Variants in FBXL7 observed in about 807,000 individuals in gnomAD.
FBXL7 encodes F-box and leucine rich repeat protein 7, also known as F-box/LRR-repeat protein 7.
In FBXL7, 12 loss-of-function variants were observed where a neutral mutation model predicts 38.3. The observed-to-expected ratio is 0.31, with a 90% CI of 0.20 to 0.51. FBXL7 has a LOEUF of 0.51. FBXL7 is among the 20% of genes least tolerant of loss of function. FBXL7 has a pLI of 0.98. For missense variants in FBXL7, 567 were observed against 676.4 expected, an observed-to-expected ratio of 0.84 and a Z score of 1.79; for synonymous variants, 297 against 300.9, an observed-to-expected ratio of 0.99 and a Z score of 0.13.
intron 2 of FBXL7, among the ~76,000 whole-genome samples, chr5:15,681,844 T>C (rs1742853806): frequency 6.6e-6 from 1 of 152,216 alleles, no homozygotes; most frequent in Admixed American, 6.5e-5. Flanking sequence ...AATAAGAACA[T>C]AAGGAAATGG....
At position 15,729,685 on chromosome 5, in the gene FBXL7, G is replaced by A. The variant is rs541796795; in HGVS notation, c.127+113613G>A. On this transcript the variant is annotated intron_variant, in intron 2 of 3. Coordinates refer to ENST00000504595, the MANE Select transcript of FBXL7 (RefSeq NM_012304.5). ...TATAGACAAAAATTTTTAATTAAGC[G>A]TTAATAAACAGTTACATGTGATGTA... 5.9e-5 allele frequency among the ~76,000 whole-genome samples: 9 copies of A among 152,138 alleles called. No individual in the cohort carries two copies. The South Asian group carries it at 1.0e-3, about 18-fold the overall frequency.
intron 1 of FBXL7, among the ~76,000 whole-genome samples, chr5:15,588,712 A>G (rs754316417): frequency 6.6e-6 from 1 of 152,174 alleles, no homozygotes; most frequent in African/African-American, 2.4e-5. Context: ...TGACTCATTA[A>G]CAGGTTGTAT....
chr5:15,728,904 C>T (rs1165213597), intron 2 of FBXL7, among the ~76,000 whole-genome samples: 1 of 152,132 alleles, frequency 6.6e-6, no homozygotes, highest in Non-Finnish European at 1.5e-5. Context: ...ATGGATCAGG[C>T]ATTTCATGAA....
At chr5:15,651,288 G>A (rs940721878) in intron 2 of FBXL7, among the ~76,000 whole-genome samples, 1 of 151,776 alleles carries the variant, frequency 6.6e-6, no homozygotes, top group Admixed American at 6.6e-5. Flanking sequence ...AGTAGAGACG[G>A]GGTTTCACCA....
At chr5:15,755,319 A>C (rs943436943) in intron 2 of FBXL7, among the ~76,000 whole-genome samples, 4 of 152,214 alleles carry the variant, frequency 2.6e-5, no homozygotes, top group Non-Finnish European at 5.9e-5. Flanking sequence ...TCTTATCAAA[A>C]GAGAGGGTAG....
chr5:15,785,965 T>A (rs1737122247), intron 2 of FBXL7, among the ~76,000 whole-genome samples: 1 of 152,242 alleles, frequency 6.6e-6, no homozygotes, highest in South Asian at 2.1e-4. Context: ...CAGAAAATAC[T>A]TTATGAACAG....
chr5:15,753,347 T>C (rs912293061), intron 2 of FBXL7, among the ~76,000 whole-genome samples: 7 of 152,194 alleles, frequency 4.6e-5, no homozygotes, highest in African/African-American at 7.2e-5. Context: ...ATTTGACCTC[T>C]ACTTTAGATG....
intron 2 of FBXL7, among the ~76,000 whole-genome samples, chr5:15,624,056 C>T (rs1740731636): frequency 6.6e-6 from 1 of 152,144 alleles, no homozygotes. Flanking sequence ...TATATTTTTA[C>T]TGTACTTAGG....
At chr5:15,883,205 A>T (rs1740533039) in intron 2 of FBXL7, among the ~76,000 whole-genome samples, 1 of 152,234 alleles carries the variant, frequency 6.6e-6, no homozygotes, top group Non-Finnish European at 1.5e-5. Context: ...GGGTTGGCAT[A>T]ATTGCTATCT....
At chr5:15,857,500 C>G (rs1487433925) in intron 2 of FBXL7, among the ~76,000 whole-genome samples, 1 of 152,198 alleles carries the variant, frequency 6.6e-6, no homozygotes, top group Non-Finnish European at 1.5e-5. Context: ...ATGCTCTTCA[C>G]TTGCATGCTA....
At chr5:15,913,902 G>A (rs1318289873) in intron 2 of FBXL7, among the ~76,000 whole-genome samples, 1 of 152,126 alleles carries the variant, frequency 6.6e-6, no homozygotes, top group African/African-American at 2.4e-5. Context: ...GCCAGTTCCA[G>A]TTATTACAGT....
At chr5:15,654,568 T>G (rs893224925) in intron 2 of FBXL7, among the ~76,000 whole-genome samples, 1 of 152,208 alleles carries the variant, frequency 6.6e-6, no homozygotes, top group Admixed American at 6.5e-5. Context: ...ATGGGTCATT[T>G]TTGTCTCGAA....
At chr5:15,610,056 A>C (rs1740175744) in intron 1 of FBXL7, among the ~76,000 whole-genome samples, 1 of 152,196 alleles carries the variant, frequency 6.6e-6, no homozygotes, top group Non-Finnish European at 1.5e-5. Flanking sequence ...AGGGGAAAAC[A>C]CTTATAAAAC....
intron 2 of FBXL7, among the ~76,000 whole-genome samples, chr5:15,770,370 A>C (rs192663532): frequency 6.8e-4 from 103 of 152,282 alleles, no homozygotes; most frequent in African/African-American, 1.9e-3. Context: ...TACAAAAAGT[A>C]TTTCTAGAAA....
rs753935096 is a variant in FBXL7 at position 15,927,764 on chromosome 5, T to TAAAAAAAAAAAAAAAAAA, written c.128-120_128-103dup. The TAAAAAAAAAAAAAAAAAA allele has an allele frequency of 5.9e-5, 27 of 456,824 alleles. 1 individual carries two copies. Among genetic ancestry groups the TAAAAAAAAAAAAAAAAAA allele is most frequent in the African/African-American group, 5.5e-4 (15 of 27,410 alleles). The allele number at this position is 456,824 out of a possible 1,614,324, so 28.3% of individuals were successfully genotyped here. A position where few individuals can be genotyped will look rare whatever the true frequency, so the allele number is the denominator to read the frequency against. ...CACTCCCGCCTGGGCGACAAGATCT[T>TAAAAAAAAAAAAAAAAAA]AAAAAAAAAAAAAAAAAAAAAAAGA... On this transcript the variant is annotated intron_variant, in intron 2 of 3. Coordinates refer to ENST00000504595, the MANE Select transcript of FBXL7 (RefSeq NM_012304.5).
At chr5:15,892,746 G>C (rs1295033685) in intron 2 of FBXL7, among the ~76,000 whole-genome samples, 3 of 152,152 alleles carry the variant, frequency 2.0e-5, no homozygotes, top group Non-Finnish European at 2.9e-5. Context: ...TATTTCACCT[G>C]GGCCCATTTG....
chr5:15,619,963 A>G (rs1349780563), intron 2 of FBXL7, among the ~76,000 whole-genome samples: 3 of 152,178 alleles, frequency 2.0e-5, no homozygotes, highest in East Asian at 1.9e-4. Flanking sequence ...AAGTGAGGAC[A>G]TGGGGATAGA....
intron 2 of FBXL7, among the ~76,000 whole-genome samples, chr5:15,849,667 AC>A (rs1240592064): frequency 6.6e-6 from 1 of 152,154 alleles, no homozygotes; most frequent in East Asian, 1.9e-4. Flanking sequence ...TTTATAAATT[AC>A]CCAGTCTCAG....
At chr5:15,735,866 A>T (rs1250516468) in intron 2 of FBXL7, among the ~76,000 whole-genome samples, 1 of 152,206 alleles carries the variant, frequency 6.6e-6, no homozygotes, top group Non-Finnish European at 1.5e-5. Flanking sequence ...AGTGTGGTGC[A>T]CTGAGTTTGA....
Sources: allele counts gnomAD v4.1 joint callset (sites outside exome capture counted in the v4.1 genomes callset), GRCh38; gene constraint gnomAD v4.1.1; transcripts MANE v1.5; gene names NCBI Gene and HGNC (gene_info 2026-07-23, HGNC 2026-07-21).